The following NEDD4 variants were observed in gnomAD, a reference collection of about 807,000 sequenced individuals.
NEDD4 encodes NEDD4 E3 ubiquitin protein ligase, also known as E3 ubiquitin-protein ligase NEDD4.
NEDD4 carries 99 observed loss-of-function variants against 144.9 expected under a neutral mutation model. The observed-to-expected ratio is 0.68, with a 90% CI of 0.58 to 0.81. NEDD4 has a LOEUF of 0.81. NEDD4 is among the 30% of genes least tolerant of loss of function. The pLI, the probability that NEDD4 is intolerant of heterozygous loss-of-function variation, is 0.00. For missense variants in NEDD4, 985 were observed against 1,065.9 expected, an observed-to-expected ratio of 0.92 and a Z score of 1.06; for synonymous variants, 318 against 350.6, an observed-to-expected ratio of 0.91 and a Z score of 1.04.
rs2142011864 is a variant in NEDD4, at chr15:55,852,496, T to C, written c.1074A>G (p.Gln358=). Residue 358 remains glutamine (Q), a synonymous_variant, in exon 13 of 29, where the codon CAA becomes CAG. Coordinates refer to ENST00000435532, the MANE Select transcript of NEDD4 (RefSeq NM_006154.4). ...SGLPPGWEEK[Q]DERGRSYYVD... ...CATAATATGATCTTCCTCTTTCATC[T>C]TGTTTTTCTTCCCAACCTGGTGGTA... 1 of 1,613,306 alleles carries C rather than the reference T, an allele frequency of 6.2e-7. No homozygotes were observed. Among genetic ancestry groups the C allele is most frequent in the South Asian group, 1.1e-5 (1 of 91,010 alleles).
At chr15:55,935,825 G>A (rs1207110094) in intron 4 of NEDD4, among the ~76,000 whole-genome samples, 10 of 135,558 alleles carry the variant, frequency 7.4e-5, no homozygotes, top group South Asian at 2.4e-4. Flanking sequence ...CCAGCCTGGC[G>A]ACAGAGTGAG....
intron 1 of NEDD4, among the ~76,000 whole-genome samples, chr15:55,975,825 C>G (rs972667483): frequency 6.6e-6 from 1 of 152,154 alleles, no homozygotes; most frequent in Non-Finnish European, 1.5e-5. Context: ...TAGCCAAAGT[C>G]ATCCTGAGCA....
chr15:55,900,850 G>A (rs1431522773), intron 5 of NEDD4, among the ~76,000 whole-genome samples: 1 of 152,098 alleles, frequency 6.6e-6, no homozygotes, highest in Non-Finnish European at 1.5e-5. Context: ...CATTGCAAAT[G>A]TATTAATAAT....
At chr15:55,972,971 C>G (rs749838184) in intron 1 of NEDD4, among the ~76,000 whole-genome samples, 6 of 152,138 alleles carry the variant, frequency 3.9e-5, no homozygotes, top group Non-Finnish European at 5.9e-5. Flanking sequence ...CACTGAAATA[C>G]CCAGTTATAT....
intron 4 of NEDD4, among the ~76,000 whole-genome samples, chr15:55,931,922 C>A (rs149846819): frequency 9.9e-5 from 15 of 152,184 alleles, no homozygotes; most frequent in Non-Finnish European, 2.2e-4. Flanking sequence ...TTTCCCTCAA[C>A]CTTCCCAGGA....
chr15:55,977,193 C>G (rs373960838), intron 1 of NEDD4, among the ~76,000 whole-genome samples: 1 of 152,116 alleles, frequency 6.6e-6, no homozygotes, highest in Non-Finnish European at 1.5e-5. Context: ...GATATTTTGG[C>G]CAATGATGGA....
chr15:55,989,462 G>A (rs866965007), intron 1 of NEDD4, among the ~76,000 whole-genome samples: 1 of 152,094 alleles, frequency 6.6e-6, no homozygotes, highest in Non-Finnish European at 1.5e-5. Context: ...ATAAAGGTTT[G>A]GGAAGTTTGT....
chr15:55,919,272 T>C (rs2036526110), intron 5 of NEDD4, among the ~76,000 whole-genome samples: 1 of 152,198 alleles, frequency 6.6e-6, no homozygotes. Flanking sequence ...TCTGAATGCC[T>C]AATGCTTTCT....
chr15:55,927,488 G>A (rs2142241485), intron 4 of NEDD4, among the ~76,000 whole-genome samples: 1 of 152,214 alleles, frequency 6.6e-6, no homozygotes, highest in Middle Eastern at 3.4e-3. Flanking sequence ...GCAGAGACAA[G>A]GTCTCACTGT....
chr15:55,868,393 C>T (rs1271366724), intron 8 of NEDD4, among the ~76,000 whole-genome samples: 1 of 152,136 alleles, frequency 6.6e-6, no homozygotes, highest in Non-Finnish European at 1.5e-5. Flanking sequence ...TGGCTGTGTC[C>T]CCACTCAAAT....
intron 1 of NEDD4, among the ~76,000 whole-genome samples, chr15:55,969,887 T>TA (rs142815278): frequency 9.1e-4 from 130 of 143,598 alleles, no homozygotes; most frequent in East Asian, 2.0e-3. Flanking sequence ...GAGGGAAAAG[T>TA]AAAAAAAAAA....
intron 1 of NEDD4, among the ~76,000 whole-genome samples, chr15:55,979,203 A>T (rs1297687622): frequency 6.6e-6 from 1 of 151,734 alleles, no homozygotes; most frequent in Admixed American, 6.6e-5. Context: ...TTATTATTAT[A>T]ACAGAATAAT....
At chr15:55,846,719 C>T (rs2033761795) in intron 18 of NEDD4, among the ~76,000 whole-genome samples, 1 of 152,088 alleles carries the variant, frequency 6.6e-6, no homozygotes. Flanking sequence ...CAGGTTAGAG[C>T]TCTGGAAAGC....
chr15:55,931,403 C>A (rs1222693874), intron 4 of NEDD4, among the ~76,000 whole-genome samples: 1 of 152,046 alleles, frequency 6.6e-6, no homozygotes, highest in African/African-American at 2.4e-5. Flanking sequence ...CATTTTAAAA[C>A]TATGTGCAAA....
In NEDD4 at chr15:55,882,558, C is replaced by CT. The variant is rs202084343; in HGVS notation, c.292-8551dup. Among the ~76,000 whole-genome samples the CT allele has an allele frequency of 2.9e-3, 449 of 152,284 alleles. 3 individuals carry two copies. Among genetic ancestry groups the CT allele is most frequent in the African/African-American group, 0.01 (425 of 41,556 alleles). ...AGCCTCACCACTGTGGGCTAAAGCACTCTGGGGTTCTAAATAAACTTGAAA... is the reference window on the plus strand; with the variant it reads ...AGCCTCACCACTGTGGGCTAAAGCACTTCTGGGGTTCTAAATAAACTTGAAA... On this transcript the variant is annotated intron_variant, in intron 5 of 28. Coordinates refer to ENST00000435532, the MANE Select transcript of NEDD4 (RefSeq NM_006154.4).
At chr15:55,908,361 A>T (rs1386675631) in intron 5 of NEDD4, among the ~76,000 whole-genome samples, 1 of 152,122 alleles carries the variant, frequency 6.6e-6, no homozygotes, top group South Asian at 2.1e-4. Context: ...CCATATCTCC[A>T]TCTTTAACTT....
intron 5 of NEDD4, among the ~76,000 whole-genome samples, chr15:55,923,632 C>T (rs980409143): frequency 5.3e-5 from 7 of 131,440 alleles, no homozygotes; most frequent in South Asian, 2.5e-4. Flanking sequence ...GGCGACAAAG[C>T]GAGACTCCAT....
intron 8 of NEDD4, among the ~76,000 whole-genome samples, chr15:55,867,764 G>A (rs76848811): frequency 5.3e-4 from 81 of 152,274 alleles, no homozygotes; most frequent in Non-Finnish European, 9.9e-4. Context: ...AAGAAAAAAG[G>A]TTCTTTCCTG....
chr15:55,938,020 CT>C (rs2036925559), intron 4 of NEDD4, among the ~76,000 whole-genome samples: 1 of 152,138 alleles, frequency 6.6e-6, no homozygotes, highest in African/African-American at 2.4e-5. Context: ...GTCCACTGAT[CT>C]TTGACTCAGG....
Sources: gnomAD v4.1 joint callset for allele counts (sites outside exome capture counted in the v4.1 genomes callset) on GRCh38, gnomAD v4.1.1 for gene constraint, MANE v1.5 for transcripts, NCBI Gene and HGNC (gene_info 2026-07-23, HGNC 2026-07-21) for gene names.